Variants in NPAS3 observed in about 807,000 individuals in gnomAD.
NPAS3 encodes neuronal PAS domain-containing protein 3.
NPAS3 carries 14 observed loss-of-function variants against 73.1 expected under a neutral mutation model. That is an observed-to-expected ratio of 0.19 (90% CI 0.13 to 0.30). The LOEUF is 0.30. NPAS3 is among the 10% of genes least tolerant of loss of function. The pLI is 1.00. For synonymous variants in NPAS3, 620 were observed against 541.5 expected (o/e 1.14, Z -2.01); for missense variants, 1,096 against 1,250.0 (o/e 0.88, Z 1.86).
intron 3 of NPAS3, among the ~76,000 whole-genome samples, chr14:33,307,472 A>G (rs923586659): frequency 6.6e-6 from 1 of 152,128 alleles, no homozygotes. Flanking sequence ...TTAGGGGTGG[A>G]AAAAGCTTCA....
At chr14:33,006,950 A>C (rs1408448122) in intron 1 of NPAS3, among the ~76,000 whole-genome samples, 1 of 152,206 alleles carries the variant, frequency 6.6e-6, no homozygotes, top group African/African-American at 2.4e-5. Context: ...AAGTGGTAGA[A>C]TCTATTAGTA....
intron 7 of NPAS3, among the ~76,000 whole-genome samples, chr14:33,767,445 G>A (rs780780796): frequency 1.3e-5 from 2 of 152,046 alleles, no homozygotes; most frequent in Non-Finnish European, 2.9e-5. Context: ...CTAGTGATTT[G>A]ACGATCTGTA....
intron 4 of NPAS3, among the ~76,000 whole-genome samples, chr14:33,463,300 GAA>G: frequency 6.6e-6 from 1 of 152,114 alleles, no homozygotes; most frequent in Admixed American, 6.5e-5. Context: ...ACTTCTTTGG[GAA>G]AAGAGATTAT....
At chr14:33,741,856 A>T (rs2061662799) in intron 7 of NPAS3, among the ~76,000 whole-genome samples, 1 of 152,156 alleles carries the variant, frequency 6.6e-6, no homozygotes, top group Non-Finnish European at 1.5e-5. Context: ...CTCTTCTCTG[A>T]CTAATGCTGT....
chr14:33,544,825 A>ATATATAATATATATATATATAAT, intron 4 of NPAS3, among the ~76,000 whole-genome samples: 10 of 112,188 alleles, frequency 8.9e-5, no homozygotes, highest in African/African-American at 3.7e-4. Context: ...TATATAATAT[A>ATATATAATATATATATATATAAT]TATGTGTATA....
At chr14:33,099,650 G>C (rs1460851131) in intron 2 of NPAS3, among the ~76,000 whole-genome samples, 1 of 152,130 alleles carries the variant, frequency 6.6e-6, no homozygotes, top group African/African-American at 2.4e-5. Context: ...ATAGTACAAA[G>C]ATGTATAAAG....
chr14:33,557,919 C>T (rs973295183), intron 4 of NPAS3, among the ~76,000 whole-genome samples: 31 of 152,104 alleles, frequency 2.0e-4, no homozygotes, highest in Non-Finnish European at 3.4e-4. Context: ...CAGTGAGCTG[C>T]GGTCTCGCTA....
At chr14:33,292,821 T>C (rs115056942) in intron 3 of NPAS3, among the ~76,000 whole-genome samples, 85 of 152,316 alleles carry the variant, frequency 5.6e-4, no homozygotes, top group African/African-American at 2.0e-3. Flanking sequence ...TCCCCATGTA[T>C]TCTTGTGGAA....
At chr14:33,162,507 TA>T (rs1406482857) in intron 2 of NPAS3, among the ~76,000 whole-genome samples, 8 of 152,182 alleles carry the variant, frequency 5.3e-5, no homozygotes, top group African/African-American at 1.9e-4. Context: ...AAATACAATT[TA>T]TTAACAAATT....
intron 3 of NPAS3, among the ~76,000 whole-genome samples, chr14:33,215,961 T>G (rs1594417517): frequency 6.6e-6 from 1 of 152,222 alleles, no homozygotes; most frequent in South Asian, 2.1e-4. Flanking sequence ...CATATATTTT[T>G]TATTCAAATC....
intron 11 of NPAS3, 85 bp downstream of exon 11, chr14:33,797,666 G>A: frequency 7.3e-7 from 1 of 1,377,660 alleles, no homozygotes. Context: ...GCCATCATCA[G>A]AGGCAAAGCA....
At chr14:33,418,414 A>G (rs1011846107) in intron 4 of NPAS3, among the ~76,000 whole-genome samples, 2 of 152,002 alleles carry the variant, frequency 1.3e-5, no homozygotes, top group African/African-American at 4.8e-5. Flanking sequence ...CAGGCAGTGT[A>G]TTAACAACCA....
intron 3 of NPAS3, among the ~76,000 whole-genome samples, chr14:33,355,011 C>T (rs2045269903): frequency 1.3e-5 from 2 of 151,454 alleles, no homozygotes; most frequent in South Asian, 4.2e-4. Flanking sequence ...CAGATGGATG[C>T]CGAATGCCGT....
Position 33,388,443 on chromosome 14 carries a change from C to T in NPAS3, c.468+21175C>T, listed in dbSNP as rs1426043484. Among the ~76,000 whole-genome samples, 4 of 148,316 alleles carry T rather than the reference C, an allele frequency of 2.7e-5. No homozygotes were observed. In the Middle Eastern group the frequency reaches 0.011, roughly 392 times the overall value. On this transcript the variant is annotated intron_variant, in intron 4 of 11. Transcript: ENST00000356141. ...GGCTTTACCCCCAGGGAAATAGGCA[C>T]TCGTGAAAAAAAAATTAATTTGGAA...
intron 2 of NPAS3, among the ~76,000 whole-genome samples, chr14:33,077,886 G>A (rs912725630): frequency 1.3e-5 from 2 of 149,866 alleles, no homozygotes; most frequent in East Asian, 2.0e-4. Flanking sequence ...AGTGGCTCAC[G>A]CCTGTAATCC....
At chr14:33,247,907 A>G (rs908574319) in intron 3 of NPAS3, among the ~76,000 whole-genome samples, 1 of 152,230 alleles carries the variant, frequency 6.6e-6, no homozygotes, top group Non-Finnish European at 1.5e-5. Flanking sequence ...TGGAAAGACA[A>G]GCACCCCAAA....
intron 5 of NPAS3, among the ~76,000 whole-genome samples, chr14:33,619,394 C>T (rs1351003456): frequency 6.6e-6 from 1 of 151,936 alleles, no homozygotes; most frequent in Non-Finnish European, 1.5e-5. Flanking sequence ...CCCATTATTG[C>T]TTGTCTCTGA....
intron 4 of NPAS3, among the ~76,000 whole-genome samples, chr14:33,433,971 A>G (rs2048881049): frequency 6.6e-6 from 1 of 152,144 alleles, no homozygotes; most frequent in Non-Finnish European, 1.5e-5. Context: ...TGGGCGGATC[A>G]CCTGAGGTCA....
At chr14:33,330,354 T>C (rs1322826655) in intron 3 of NPAS3, among the ~76,000 whole-genome samples, 2 of 152,172 alleles carry the variant, frequency 1.3e-5, no homozygotes, top group Non-Finnish European at 2.9e-5. Context: ...ATTTGTGTTC[T>C]CCAAATGAAT....
Sources: gnomAD v4.1 joint callset for allele counts (sites outside exome capture counted in the v4.1 genomes callset) on GRCh38, gnomAD v4.1.1 for gene constraint, MANE v1.5 for transcripts, NCBI Gene and HGNC (gene_info 2026-07-23, HGNC 2026-07-21) for gene names.